Variants in SCUBE2 observed in about 807,000 individuals in gnomAD.
SCUBE2 encodes the protein signal peptide, CUB and EGF-like domain-containing protein 2.
SCUBE2 carries 114 observed loss-of-function variants against 125.9 expected under a neutral mutation model. That is an observed-to-expected ratio of 0.91 (90% CI 0.78 to 1.06). The LOEUF (loss-of-function observed/expected upper bound fraction) is 1.06. Among genes scored for constraint, SCUBE2 ranks in the 50% least tolerant of loss-of-function variants. The pLI, the probability that SCUBE2 is intolerant of heterozygous loss-of-function variation, is 0.00. For synonymous variants in SCUBE2, 459 were observed against 492.9 expected (o/e 0.93, Z 0.91); for missense variants, 1,255 against 1,301.8 (o/e 0.96, Z 0.55).
rs774787939 is a variant in SCUBE2 at position 9,033,721 on chromosome 11, T to C, written c.2078A>G (p.Asn693Ser). ...TTCACAAGTCATTTGTCCTTCCTCA[T>C]TTTGGAAGGTTCCATTTGGACATAA... ...CILCPNGTFQNEEGQMTCEPC... is the reference protein window; with the variant it reads ...CILCPNGTFQSEEGQMTCEPC... The change falls in exon 17 of 23, where the codon AAT becomes AGT. Residue 693 changes from asparagine to serine, a missense_variant. This residue lies in a region of SCUBE2 where 515 missense variants were observed against 515.7 expected (regional missense o/e 1.00). Coordinates refer to ENST00000649792, the MANE Select transcript of SCUBE2 (RefSeq NM_001367977.2). 1.9e-6 allele frequency: 3 copies of C among 1,614,078 alleles called. No individual in the cohort carries two copies. Among genetic ancestry groups the C allele is most frequent in the Admixed American group, 3.3e-5 (2 of 60,014 alleles).
chr11:9,078,535 A>G (rs1861380075), intron 3 of SCUBE2, among the ~76,000 whole-genome samples: 1 of 152,216 alleles, frequency 6.6e-6, no homozygotes, highest in African/African-American at 2.4e-5. Flanking sequence ...TCAAAGGGCC[A>G]TTCCTACCAC....
intron 5 of SCUBE2, 103 bp from the exon 6 acceptor site, chr11:9,066,916 G>C (rs764550688): frequency 2.2e-6 from 2 of 913,472 alleles, no homozygotes; most frequent in Non-Finnish European, 3.5e-6. Flanking sequence ...AAGTATTTGA[G>C]CACCTAGTGC....
intron 10 of SCUBE2, among the ~76,000 whole-genome samples, chr11:9,055,302 G>C (rs1334970577): frequency 6.6e-6 from 1 of 152,204 alleles, no homozygotes; most frequent in African/African-American, 2.4e-5. Context: ...AATGGGCACA[G>C]AGTGGAGAGA....
chr11:9,068,428 T>C (rs115655358), intron 5 of SCUBE2, among the ~76,000 whole-genome samples: 7 of 152,052 alleles, frequency 4.6e-5, no homozygotes, highest in Non-Finnish European at 1.0e-4. Context: ...GCATATCCCA[T>C]AGCAGGTACC....
At chr11:9,088,080 C>T (rs1482097190) in intron 2 of SCUBE2, among the ~76,000 whole-genome samples, 1 of 152,192 alleles carries the variant, frequency 6.6e-6, no homozygotes, top group East Asian at 1.9e-4. Context: ...TATACTGTTC[C>T]AATATTTAGA....
chr11:9,024,311 T>A, intron 21 of SCUBE2: 1 of 1,198,606 alleles, frequency 8.3e-7, no homozygotes, highest in Non-Finnish European at 1.1e-6. Flanking sequence ...TAGATGAGGC[T>A]CTCTGTCTCT....
chr11:9,049,455 A>G (rs1858130195), intron 14 of SCUBE2, among the ~76,000 whole-genome samples: 1 of 152,046 alleles, frequency 6.6e-6, no homozygotes, highest in African/African-American at 2.4e-5. Flanking sequence ...CATGTTACCC[A>G]GGCCGCTCCT....
intron 11 of SCUBE2, 62 bp downstream of exon 11, chr11:9,053,575 C>G: frequency 3.8e-6 from 6 of 1,591,724 alleles, no homozygotes; most frequent in South Asian, 1.1e-5. Flanking sequence ...GCACGCAGAG[C>G]TGCACTGCCT....
chr11:9,023,760 T>C (rs1806557856), intron 21 of SCUBE2, among the ~76,000 whole-genome samples: 1 of 152,146 alleles, frequency 6.6e-6, no homozygotes. Context: ...GCCTCATCTA[T>C]AAAATCAGGA....
At chr11:9,073,959 C>T (rs1861008658) in intron 4 of SCUBE2, among the ~76,000 whole-genome samples, 1 of 152,144 alleles carries the variant, frequency 6.6e-6, no homozygotes, top group Admixed American at 6.5e-5. Flanking sequence ...AACCACAGCA[C>T]GGAAAGTCCA....
chr11:9,076,551 G>A (rs544037163), intron 3 of SCUBE2, among the ~76,000 whole-genome samples: 117 of 151,846 alleles, frequency 7.7e-4, no homozygotes, highest in African/African-American at 2.7e-3. Flanking sequence ...AGCATCACCC[G>A]AGCCAGAGAA....
intron 4 of SCUBE2, among the ~76,000 whole-genome samples, chr11:9,070,009 A>T (rs1214177957): frequency 6.6e-6 from 1 of 152,188 alleles, no homozygotes; most frequent in African/African-American, 2.4e-5. Context: ...GCATTTTGGC[A>T]TCCTCGTACG....
intron 16 of SCUBE2, among the ~76,000 whole-genome samples, chr11:9,040,053 C>T (rs973355175): frequency 2.6e-5 from 4 of 152,190 alleles, no homozygotes; most frequent in South Asian, 2.1e-4. Flanking sequence ...CAGCCACGCG[C>T]GTCCGCACCA....
chr11:9,056,588 T>C (rs1213468533), intron 9 of SCUBE2, among the ~76,000 whole-genome samples: 1 of 152,206 alleles, frequency 6.6e-6, no homozygotes, highest in East Asian at 1.9e-4. Context: ...CCTATGAGTC[T>C]GCTAGCCTCC....
chr11:9,029,897 T>C lies in SCUBE2; in HGVS notation c.2490A>G (p.Ile830Met). Residue 830 changes from isoleucine to methionine, a missense_variant, in exon 19 of 23, where the codon ATA becomes ATG. By Grantham distance (10) the Ile-to-Met change is conservative. Transcript: ENST00000649792. ...TTTDFDGSTN[I>M]TQCKNRRCGG... ...AGAGGGACCTACTTTTACACTGGGT[T>C]ATGTTTGTGGAGCCATCAAAGTCAG... 6.2e-7 allele frequency: 1 copy of C among 1,614,164 alleles called. No individual in the cohort carries two copies. The highest frequency in any genetic ancestry group is 2.2e-5 in the East Asian group (1 of 44,880).
At chr11:9,024,302 A>G in intron 21 of SCUBE2, 1 of 1,171,840 alleles carries the variant, frequency 8.5e-7, no homozygotes, top group Non-Finnish European at 1.1e-6. Flanking sequence ...GCTTTTGGGT[A>G]GATGAGGCTC....
At chr11:9,044,877 G>A (rs537520861) in intron 16 of SCUBE2, among the ~76,000 whole-genome samples, 1 of 152,292 alleles carries the variant, frequency 6.6e-6, no homozygotes, top group African/African-American at 2.4e-5. Context: ...CTGCCCAAAT[G>A]ACACTTTGTA....
chr11:9,063,799 C>A (rs1313013457), intron 7 of SCUBE2, among the ~76,000 whole-genome samples: 1 of 152,152 alleles, frequency 6.6e-6, no homozygotes, highest in Non-Finnish European at 1.5e-5. Flanking sequence ...AGGCTGGAAG[C>A]CTCCGAGGAA....
Position 9,053,144 on chromosome 11 carries a change from C to T in SCUBE2, c.1402G>A (p.Asp468Asn), listed in dbSNP as rs1590072360. 2 of 1,614,230 alleles carry T rather than the reference C, an allele frequency of 1.2e-6. No individual in the cohort carries two copies. Among genetic ancestry groups the T allele is most frequent in the South Asian group, 1.1e-5 (1 of 91,078 alleles). ...SLHCGKSGGG[D>N]GCFLRCHSGI... ...GAGTGACATCTGAGGAAGCACCCGTCTCCTCCACCACTCTTACCGCAGTGC... is the reference window on the plus strand; with the variant it reads ...GAGTGACATCTGAGGAAGCACCCGTTTCCTCCACCACTCTTACCGCAGTGC... The change falls in exon 12 of 23, where the codon GAC becomes AAC. Residue 468 changes from aspartate (D) to asparagine (N), a missense_variant. Asp to Asn is a conservative substitution (Grantham distance 23). This residue lies in a region of SCUBE2 where 378 missense variants were observed against 463.1 expected (regional missense o/e 0.82). Coordinates refer to ENST00000649792, the MANE Select transcript of SCUBE2 (RefSeq NM_001367977.2).
Sources: gnomAD v4.1 joint callset for allele counts (sites outside exome capture counted in the v4.1 genomes callset) on GRCh38, gnomAD v4.1.1 for gene constraint, gnomAD v4.1.1 regional missense constraint, MANE v1.5 for transcripts, NCBI Gene and HGNC (gene_info 2026-07-23, HGNC 2026-07-21) for gene names.